CADPS: variants seen among roughly 807,000 people sequenced by gnomAD.
The protein encoded by CADPS is calcium dependent secretion activator, also known as calcium-dependent secretion activator 1.
A neutral mutation model predicts 167.3 loss-of-function variants in CADPS; 57 were observed. The observed-to-expected ratio is 0.34, with a 90% CI of 0.28 to 0.42. The LOEUF (loss-of-function observed/expected upper bound fraction) is 0.42, where lower values mean the gene tolerates loss of function less well. Ranked by LOEUF, CADPS falls within the 20% of genes least tolerant of loss-of-function variation. The pLI, the probability that CADPS is intolerant of heterozygous loss-of-function variation, is 1.00. For synonymous variants in CADPS, 676 were observed against 635.3 expected (o/e 1.06, Z -0.96); for missense variants, 1,414 against 1,738.1 (o/e 0.81, Z 3.32).
At chr3:62,687,224 G>A (rs1202655063) in intron 3 of CADPS, among the ~76,000 whole-genome samples, 1 of 152,078 alleles carries the variant, frequency 6.6e-6, no homozygotes, top group African/African-American at 2.4e-5. Flanking sequence ...TTTTCTGGAG[G>A]GCTGATGTCA....
chr3:62,407,795 A>T (rs1430107848), intron 28 of CADPS, among the ~76,000 whole-genome samples: 1 of 152,106 alleles, frequency 6.6e-6, no homozygotes, highest in Admixed American at 6.5e-5. Flanking sequence ...GTGCAGTGGC[A>T]TGATCTTGGC....
intron 6 of CADPS, among the ~76,000 whole-genome samples, chr3:62,642,838 T>C (rs542382672): frequency 2.0e-5 from 3 of 151,950 alleles, no homozygotes; most frequent in South Asian, 4.2e-4. Context: ...TGAGCCCAGG[T>C]TGGCCAAGGC....
At chr3:62,422,796 T>C (rs1391746280) in intron 28 of CADPS, among the ~76,000 whole-genome samples, 4 of 152,214 alleles carry the variant, frequency 2.6e-5, no homozygotes, top group Admixed American at 6.5e-5. Context: ...CATAGTGCCA[T>C]TGAAAACTTA....
At chr3:62,786,676 C>A (rs2092462981) in intron 1 of CADPS, among the ~76,000 whole-genome samples, 1 of 152,024 alleles carries the variant, frequency 6.6e-6, no homozygotes, top group Non-Finnish European at 1.5e-5. Flanking sequence ...CATGTGCACA[C>A]ACACACACAA....
At chr3:62,730,312 G>C (rs1223586703) in intron 3 of CADPS, among the ~76,000 whole-genome samples, 1 of 152,156 alleles carries the variant, frequency 6.6e-6, no homozygotes, top group East Asian at 1.9e-4. Flanking sequence ...ACCAATAGAA[G>C]GTTATGCTAC....
intron 1 of CADPS, among the ~76,000 whole-genome samples, chr3:62,771,343 A>G (rs1434320970): frequency 1.3e-5 from 2 of 152,312 alleles, no homozygotes; most frequent in South Asian, 2.1e-4. Context: ...CAGAAATCGC[A>G]TACTCATCTT....
intron 4 of CADPS, among the ~76,000 whole-genome samples, chr3:62,658,664 C>T (rs1044270960): frequency 6.6e-6 from 1 of 152,156 alleles, no homozygotes; most frequent in African/African-American, 2.4e-5. Flanking sequence ...CTATTGGGTA[C>T]ATCTGGAGTG....
At chr3:62,820,023 ATG>A (rs1005514255) in intron 1 of CADPS, among the ~76,000 whole-genome samples, 42 of 36,922 alleles carry the variant, frequency 1.1e-3, no homozygotes, top group Non-Finnish European at 2.8e-3. Context: ...ACACATATGC[ATG>A]TGTGCACACA....
intron 1 of CADPS, among the ~76,000 whole-genome samples, chr3:62,863,680 C>T (rs1016755226): frequency 2.0e-5 from 3 of 152,124 alleles, no homozygotes; most frequent in Non-Finnish European, 2.9e-5. Context: ...AAGTAAGTTT[C>T]GATTTTATCC....
chr3:62,657,596 T>C (rs1045402853), intron 4 of CADPS, among the ~76,000 whole-genome samples: 1 of 152,184 alleles, frequency 6.6e-6, no homozygotes, highest in Non-Finnish European at 1.5e-5. Flanking sequence ...GATTACCAAG[T>C]CTTTTCTACC....
chr3:62,459,785 G>A (rs1235799819), intron 26 of CADPS, among the ~76,000 whole-genome samples: 1 of 152,172 alleles, frequency 6.6e-6, no homozygotes, highest in Non-Finnish European at 1.5e-5. Context: ...CCAGTGTCTA[G>A]CACATAGTAG....
intron 17 of CADPS, among the ~76,000 whole-genome samples, chr3:62,512,276 G>A (rs1176303612): frequency 6.6e-6 from 1 of 152,070 alleles, no homozygotes; most frequent in Non-Finnish European, 1.5e-5. Context: ...CGGTCATCCT[G>A]TCCATGCTTC....
intron 6 of CADPS, among the ~76,000 whole-genome samples, chr3:62,613,133 C>G (rs1241180920): frequency 6.6e-6 from 1 of 152,114 alleles, no homozygotes; most frequent in Non-Finnish European, 1.5e-5. Context: ...CCCCATCAAG[C>G]TGCTCCTCCT....
At position 62,765,988 on chromosome 3, in the gene CADPS, T is replaced by A. The variant is rs778581456; in HGVS notation, c.442-4A>T. The A allele has an allele frequency of 2.5e-6, 4 of 1,600,084 alleles. No homozygotes were observed. In the South Asian group the frequency reaches 4.4e-5, roughly 18 times the overall value. On this transcript the variant is annotated splice_region_variant and splice_polypyrimidine_tract_variant and intron_variant, in intron 1 of 29. Coordinates refer to ENST00000383710, the MANE Select transcript of CADPS (RefSeq NM_003716.4). ...TCTGCAGCTGCTGTTTGCTGATCTG[T>A]AAGAAACAGAAAAAGAGGGAAATGT... is the stretch of plus-strand genomic sequence containing the variant.
At chr3:62,525,624 T>C (rs1045401287) in intron 13 of CADPS, among the ~76,000 whole-genome samples, 3 of 152,102 alleles carry the variant, frequency 2.0e-5, no homozygotes, top group Non-Finnish European at 2.9e-5. Flanking sequence ...TACACAGTTT[T>C]TGCCCTTTAT....
chr3:62,557,511 G>A lies in CADPS; in HGVS notation c.1647C>T (p.Val549=). 1 of 1,612,208 alleles carries A rather than the reference G, an allele frequency of 6.2e-7. No individual in the cohort carries two copies. The highest frequency in any genetic ancestry group is 8.5e-7 in the Non-Finnish European group (1 of 1,178,356). Residue 549 remains valine (V), a splice_region_variant and synonymous_variant, in exon 10 of 30, where the codon GTC becomes GTT. Coordinates refer to ENST00000383710, the MANE Select transcript of CADPS (RefSeq NM_003716.4). Reference sequence around the variant, plus strand: ...TGCACATGGCAAACGTGTACTGACTGACCTGTTAAGGAAAAGCAGATTGTG... The same window carrying A: ...TGCACATGGCAAACGTGTACTGACTAACCTGTTAAGGAAAAGCAGATTGTG... ...WKKRFFVLVQ[V]SQYTFAMCSY...
intron 8 of CADPS, among the ~76,000 whole-genome samples, chr3:62,581,894 T>TG (rs1247607037): frequency 6.6e-6 from 1 of 152,138 alleles, no homozygotes; most frequent in East Asian, 1.9e-4. Flanking sequence ...ATATAAAAGA[T>TG]GAAAATTAGA....
intron 20 of CADPS, among the ~76,000 whole-genome samples, chr3:62,491,958 C>T (rs1472453298): frequency 1.3e-5 from 2 of 151,672 alleles, no homozygotes; most frequent in Non-Finnish European, 1.5e-5. Context: ...ATTTTTTTTT[C>T]ATCTAGAAAG....
intron 1 of CADPS, among the ~76,000 whole-genome samples, chr3:62,853,437 C>T (rs2079015270): frequency 6.6e-6 from 1 of 151,528 alleles, no homozygotes; most frequent in Non-Finnish European, 1.5e-5. Flanking sequence ...CAAGCCTGGC[C>T]AACATGGTGA....
Sources: allele counts gnomAD v4.1 joint callset (sites outside exome capture counted in the v4.1 genomes callset), GRCh38; gene constraint gnomAD v4.1.1; transcripts MANE v1.5; gene names NCBI Gene and HGNC (gene_info 2026-07-23, HGNC 2026-07-21).